The following ZNF565 variants were observed in gnomAD, a reference collection of about 807,000 sequenced individuals.
The protein encoded by ZNF565 is zinc finger protein 565.
ZNF565 carries 27 observed loss-of-function variants against 39.4 expected under a neutral mutation model. That is an observed-to-expected ratio of 0.69 (90% CI 0.51 to 0.95). ZNF565 has a LOEUF of 0.95. Ranked by LOEUF, ZNF565 falls within the 40% of genes least tolerant of loss-of-function variation. ZNF565 has a pLI of 0.00. For synonymous variants in ZNF565, 185 were observed against 216.6 expected, an observed-to-expected ratio of 0.85 and a Z score of 1.28; for missense variants, 524 against 621.1, an observed-to-expected ratio of 0.84 and a Z score of 1.66.
intron 4 of ZNF565, among the ~76,000 whole-genome samples, chr19:36,191,612 C>T (rs111644341): frequency 1.1e-4 from 17 of 152,074 alleles, no homozygotes; most frequent in Middle Eastern, 3.4e-3. Context: ...CTGAACGATT[C>T]GAGCAATGAA....
At chr19:36,217,749 C>G (rs192336361), upstream of ZNF565, among the ~76,000 whole-genome samples, 2 of 151,858 alleles carry the variant, frequency 1.3e-5, no homozygotes, top group African/African-American at 4.8e-5. Flanking sequence ...CCAGGCGTGG[C>G]GGCACATGCC....
At chr19:36,183,795 C>T in intron 4 of ZNF565, 62 bp from the exon 5 acceptor site, 1 of 1,481,230 alleles carries the variant, frequency 6.8e-7, no homozygotes, top group Non-Finnish European at 9.1e-7. Context: ...ATAAAAAATT[C>T]TATAGTAGAG....
At chr19:36,233,850 C>T (rs890502705) in intron 1 of ZNF565, among the ~76,000 whole-genome samples, 9 of 152,180 alleles carry the variant, frequency 5.9e-5, no homozygotes, top group Non-Finnish European at 1.5e-5. Flanking sequence ...CAGATGCCTT[C>T]CTCTTATCTC....
chr19:36,233,166 A>T (rs1977463752), intron 1 of ZNF565, among the ~76,000 whole-genome samples: 1 of 152,154 alleles, frequency 6.6e-6, no homozygotes, highest in South Asian at 2.1e-4. Flanking sequence ...GCAGATCACC[A>T]GATGTCAGGA....
Position 36,245,542 on chromosome 19 carries a change from C to T in ZNF565, c.-12G>A. On this transcript the variant is annotated 5_prime_UTR_variant, in exon 1 of 5. Coordinates refer to the ZNF565 transcript ENST00000355114. The surrounding 1 kb of genome is among the most constrained non-coding windows in gnomAD (Gnocchi z 4.4). ...GGTCCACGGCGCATTTAGGTGGTGG[C>T]TTGCTCTGGACTACATTTCCCAGGG... The T allele has an allele frequency of 1.4e-6, 1 of 702,288 alleles. No homozygotes were observed. The highest frequency in any genetic ancestry group is 1.5e-5 in the South Asian group (1 of 67,586). The allele number at this position is 702,288 out of a possible 1,614,324, so 43.5% of individuals were successfully genotyped here. A position where few individuals can be genotyped will look rare whatever the true frequency, so the allele number is the denominator to read the frequency against.
At chr19:36,211,238 T>C (rs1056955943) in intron 1 of ZNF565, among the ~76,000 whole-genome samples, 9 of 145,518 alleles carry the variant, frequency 6.2e-5, no homozygotes, top group Non-Finnish European at 1.2e-4. Context: ...AGATCAGGAG[T>C]TCGAGACCAG....
intron 3 of ZNF565, chr19:36,194,724 C>T: frequency 3.9e-6 from 2 of 514,884 alleles, no homozygotes; most frequent in Non-Finnish European, 3.5e-6. Context: ...GTAAGGACTG[C>T]ATTACCCATG....
chr19:36,228,888 G>A (rs1015402264), intron 1 of ZNF565: 1 of 152,242 alleles, frequency 6.6e-6, no homozygotes, highest in Admixed American at 6.5e-5. Flanking sequence ...TTCAAAGGAT[G>A]TTTTCTTCCA....
chr19:36,197,402 G>A (rs1975801979), intron 2 of ZNF565, among the ~76,000 whole-genome samples: 1 of 152,080 alleles, frequency 6.6e-6, no homozygotes, highest in Admixed American at 6.6e-5. Context: ...AACCCGCGAG[G>A]TGGAGGTTGC....
At chr19:36,199,731 G>C (rs1021266064) in intron 2 of ZNF565, among the ~76,000 whole-genome samples, 1 of 152,052 alleles carries the variant, frequency 6.6e-6, no homozygotes, top group African/African-American at 2.4e-5. Flanking sequence ...GTGCAGGCTG[G>C]TCTTGTACTC....
rs563293786 is a variant in ZNF565, at chr19:36,187,597, C to T, written c.233-3864G>A. Among the ~76,000 whole-genome samples, 14 of 151,278 alleles carry T rather than the reference C, an allele frequency of 9.3e-5. No individual in the cohort carries two copies. The South Asian group carries it at 2.7e-3, about 29-fold the overall frequency. The stretch of plus-strand genomic sequence containing the variant: ...GGTCTCGATCTCCTGACCTTGTGCT[C>T]CGCCCACCTCGGCCTCCCAAAGTGC... On this transcript the variant is annotated intron_variant, in intron 4 of 4. Coordinates refer to ENST00000304116, the MANE Select transcript of ZNF565 (RefSeq NM_152477.5).
intron 1 of ZNF565, among the ~76,000 whole-genome samples, chr19:36,212,058 C>A (rs574474543): frequency 6.6e-6 from 1 of 152,262 alleles, no homozygotes; most frequent in South Asian, 2.1e-4. Context: ...CTTAACCAAG[C>A]GGTTAAAATT....
At chr19:36,216,401 G>A (rs1357619795), upstream of ZNF565, among the ~76,000 whole-genome samples, 1 of 152,116 alleles carries the variant, frequency 6.6e-6, no homozygotes, top group African/African-American at 2.4e-5. Context: ...AGCACTTTGG[G>A]AGGCCGAGAT....
intron 2 of ZNF565, among the ~76,000 whole-genome samples, chr19:36,195,893 T>C (rs1052148599): frequency 2.0e-5 from 3 of 150,616 alleles, no homozygotes; most frequent in African/African-American, 7.3e-5. Context: ...GGTCAGGTTT[T>C]GACAAGCTAA....
intron 1 of ZNF565, chr19:36,236,879 G>T: frequency 6.2e-7 from 1 of 1,614,110 alleles, no homozygotes; most frequent in South Asian, 1.1e-5. Flanking sequence ...TACTGAGCAT[G>T]AGAAAATCCA....
intron 1 of ZNF565, among the ~76,000 whole-genome samples, chr19:36,223,282 TGTG>T (rs1490316301): frequency 2.7e-5 from 4 of 150,898 alleles, no homozygotes; most frequent in Admixed American, 6.6e-5. Flanking sequence ...AGCCAGTCAT[TGTG>T]GTGCACGAGA....
intron 1 of ZNF565, among the ~76,000 whole-genome samples, chr19:36,227,558 T>G (rs980446791): frequency 2.6e-5 from 4 of 151,948 alleles, no homozygotes; most frequent in African/African-American, 9.7e-5. Context: ...TTAAAAATGT[T>G]TTTTGAACTA....
At chr19:36,216,238 T>C (rs1976599761), upstream of ZNF565, among the ~76,000 whole-genome samples, 1 of 152,152 alleles carries the variant, frequency 6.6e-6, no homozygotes, top group African/African-American at 2.4e-5. Context: ...GGTTCAGAAC[T>C]ATTAGGAAAG....
intron 1 of ZNF565, chr19:36,236,947 G>C: frequency 6.2e-7 from 1 of 1,614,050 alleles, no homozygotes; most frequent in Non-Finnish European, 8.5e-7. Flanking sequence ...GCCAGAAGAA[G>C]TACCTCATAA....
Sources: gnomAD v4.1 joint callset for allele counts (sites outside exome capture counted in the v4.1 genomes callset) on GRCh38, gnomAD v4.1.1 for gene constraint, Gnocchi (gnomAD v3.1) non-coding constraint, MANE v1.5 for transcripts, NCBI Gene and HGNC (gene_info 2026-07-23, HGNC 2026-07-21) for gene names.